Variants in ZC3HAV1 observed in about 807,000 individuals in gnomAD.
The protein encoded by ZC3HAV1 is zinc finger CCCH-type containing, antiviral 1.
A neutral mutation model predicts 86.6 loss-of-function variants in ZC3HAV1; 41 were observed. The observed-to-expected ratio is 0.47, with a 90% CI of 0.37 to 0.61. The LOEUF (loss-of-function observed/expected upper bound fraction) is 0.61. Ranked by LOEUF, ZC3HAV1 falls within the 20% of genes least tolerant of loss-of-function variation. The pLI is 0.00. For missense variants in ZC3HAV1, 964 were observed against 1,141.1 expected, an observed-to-expected ratio of 0.84 and a Z score of 2.24; for synonymous variants, 421 against 432.1, an observed-to-expected ratio of 0.97 and a Z score of 0.32.
chr7:139,067,982 A>G (rs1324067657), intron 7 of ZC3HAV1, among the ~76,000 whole-genome samples: 1 of 148,714 alleles, frequency 6.7e-6, no homozygotes, highest in Non-Finnish European at 1.5e-5. Context: ...CTTTGATAAG[A>G]ATGCTACTTT....
intron 8 of ZC3HAV1, among the ~76,000 whole-genome samples, chr7:139,063,027 CAAAAAAAAAA>C (rs58859916): frequency 2.9e-5 from 2 of 68,084 alleles, no homozygotes; most frequent in African/African-American, 5.4e-5. Context: ...GACTCTGTCT[CAAAAAAAAAA>C]AAAAAAAAAA....
chr7:139,084,090 T>C, intron 2 of ZC3HAV1, 58 bp from the exon 3 acceptor site: 5 of 1,585,714 alleles, frequency 3.2e-6, no homozygotes, highest in Non-Finnish European at 4.3e-6. Flanking sequence ...TTGCCAAACA[T>C]TCATTAAGGC....
intron 1 of ZC3HAV1, among the ~76,000 whole-genome samples, chr7:139,101,470 T>A (rs1242716800): frequency 8.9e-6 from 1 of 112,962 alleles, no homozygotes; most frequent in African/African-American, 3.5e-5. Flanking sequence ...GTCTGGGATG[T>A]GAGGAGCGCC....
intron 10 of ZC3HAV1, among the ~76,000 whole-genome samples, chr7:139,054,944 T>G (rs972243293): frequency 6.6e-6 from 1 of 152,128 alleles, no homozygotes; most frequent in Non-Finnish European, 1.5e-5. Context: ...CATGCCGCCA[T>G]GCCCGGCTAA....
chr7:139,080,149 A>C lies in ZC3HAV1; in HGVS notation c.792T>G (p.Ala264=). 1 of 1,614,232 alleles carries C rather than the reference A, an allele frequency of 6.2e-7. No individual in the cohort carries two copies. The highest frequency in any genetic ancestry group is 8.5e-7 in the Non-Finnish European group (1 of 1,180,046). The change falls in exon 4 of 13, where the codon GCT becomes GCG. Residue 264 remains alanine (A), a synonymous_variant. Transcript: ENST00000242351. ...FQGSQEFLAS[A]SASAERSCTP... is the part of the protein sequence containing the mutation. Reference sequence around the variant, plus strand: ...TGCAGGACCTCTCAGCAGACGCTGAAGCAGACGCAAGAAATTCTTGGCTGC... The same window carrying C: ...TGCAGGACCTCTCAGCAGACGCTGACGCAGACGCAAGAAATTCTTGGCTGC...
intron 2 of ZC3HAV1, among the ~76,000 whole-genome samples, chr7:139,088,402 G>C (rs1399328221): frequency 6.6e-6 from 1 of 152,192 alleles, no homozygotes; most frequent in African/African-American, 2.4e-5. Flanking sequence ...CAATGTGATT[G>C]AGCAGATGTG....
intron 2 of ZC3HAV1, among the ~76,000 whole-genome samples, chr7:139,085,770 T>C (rs1817255538): frequency 6.6e-6 from 1 of 152,102 alleles, no homozygotes; most frequent in African/African-American, 2.4e-5. Flanking sequence ...CCCAGCACTT[T>C]GGGAGGCTGA....
intron 6 of ZC3HAV1, among the ~76,000 whole-genome samples, chr7:139,074,941 C>A (rs544298776): frequency 2.0e-5 from 3 of 152,204 alleles, no homozygotes; most frequent in African/African-American, 7.2e-5. Flanking sequence ...AGTCCTCTGA[C>A]CAAAAAGTTT....
intron 1 of ZC3HAV1, among the ~76,000 whole-genome samples, chr7:139,097,626 G>A (rs937059566): frequency 8.6e-5 from 13 of 150,576 alleles, no homozygotes; most frequent in Non-Finnish European, 1.9e-4. Context: ...AGTAGAGACG[G>A]GGTTTCACCG....
chr7:139,088,052 A>C, intron 2 of ZC3HAV1, among the ~76,000 whole-genome samples: 1 of 150,382 alleles, frequency 6.6e-6, no homozygotes. Context: ...AAAAAAAAAA[A>C]AAAGAAAAAA....
At position 139,079,521 on chromosome 7, in the gene ZC3HAV1, C is replaced by T. The variant is rs568024631; in HGVS notation, c.1420G>A (p.Ala474Thr). 5 of 1,614,164 alleles carry T rather than the reference C, an allele frequency of 3.1e-6. No homozygotes were observed. In the South Asian group the frequency reaches 5.5e-5, roughly 18 times the overall value. Residue 474 changes from alanine (A) to threonine (T), a missense_variant, in exon 4 of 13, where the codon GCC (alanine) becomes ACC (threonine). Transcript: ENST00000242351. ...DAGPASRDVQ[A>T]TGRIADDADP... ...GCATCATCTGCGATTCTGCCAGTGG[C>T]CTGGACATCTCGGGAAGCAGGTCCA...
intron 1 of ZC3HAV1, among the ~76,000 whole-genome samples, chr7:139,095,428 C>T (rs764834259): frequency 2.0e-5 from 3 of 151,906 alleles, no homozygotes; most frequent in Non-Finnish European, 4.4e-5. Context: ...AGGGTGGAGC[C>T]GAAAAAAATG....
intron 6 of ZC3HAV1, 60 bp downstream of exon 6, chr7:139,076,226 C>T: frequency 1.9e-6 from 3 of 1,611,164 alleles, no homozygotes; most frequent in Non-Finnish European, 2.5e-6. Context: ...GAGCCTAGCA[C>T]TAATGCTTCC....
Position 139,083,852 on chromosome 7 carries a change from G to C in ZC3HAV1, c.625C>G (p.Pro209Ala). The change falls in exon 3 of 13, where the codon CCC (proline) becomes GCC (alanine). Residue 209 changes from proline to alanine, a missense_variant. Coordinates refer to ENST00000242351, the MANE Select transcript of ZC3HAV1 (RefSeq NM_020119.4). ...TCCTGGATGTTCTGGACCACGTCGG[G>C]GTTCAGCCCGTGCTCCCTCATGATG... Reference protein sequence around the residue: ...LAIMREHGLNPDVVQNIQDIC... With the variant: ...LAIMREHGLNADVVQNIQDIC... 6.2e-7 allele frequency: 1 copy of C among 1,614,152 alleles called. No individual in the cohort carries two copies. The highest frequency in any genetic ancestry group is 8.5e-7 in the Non-Finnish European group (1 of 1,180,028).
Position 139,055,365 on chromosome 7 carries a change from T to C in ZC3HAV1, c.2097-70A>G, listed in dbSNP as rs528478132. 567 of 1,369,286 alleles carry C rather than the reference T, an allele frequency of 4.1e-4. 1 individual carries two copies. Among genetic ancestry groups the C allele is most frequent in the Middle Eastern group, 1.8e-4 (1 of 5,474 alleles). The allele number at this position is 1,369,286 out of a possible 1,614,324, so 84.8% of individuals were successfully genotyped here. A position where few individuals can be genotyped will look rare whatever the true frequency, so the allele number is the denominator to read the frequency against. On this transcript the variant is annotated intron_variant, in intron 9 of 12. Transcript: ENST00000242351. ...GCCCAAGTGATGTTTTCTCTTAACT[T>C]CCAGCCACTAGGCCAAGGATGCCTA... is the stretch of plus-strand genomic sequence containing the variant.
chr7:139,067,567 G>T (rs1408830830), intron 7 of ZC3HAV1, among the ~76,000 whole-genome samples: 4 of 152,176 alleles, frequency 2.6e-5, no homozygotes, highest in African/African-American at 7.2e-5. Flanking sequence ...GGATAGGGCA[G>T]GTTGGGAGGG....
At chr7:139,055,338 A>C (rs767175921) in intron 9 of ZC3HAV1, 43 bp from the exon 10 acceptor site, 1 of 1,550,488 alleles carries the variant, frequency 6.4e-7, no homozygotes, top group African/African-American at 1.4e-5. Context: ...TCTGCTCCAC[A>C]GGCCCAAGTG....
At chr7:139,075,550 A>G (rs1223491113) in intron 6 of ZC3HAV1, among the ~76,000 whole-genome samples, 4 of 152,082 alleles carry the variant, frequency 2.6e-5, no homozygotes. Flanking sequence ...CTCTCACATC[A>G]GCCTCCCGAG....
rs951188760 is a variant in ZC3HAV1, at chr7:139,058,445, C to G, written c.2096+2591G>C. Among the ~76,000 whole-genome samples the G allele has an allele frequency of 1.7e-4, 25 of 145,432 alleles. No individual in the cohort carries two copies. In the East Asian group the frequency reaches 4.9e-3, roughly 28 times the overall value. On this transcript the variant is annotated intron_variant, in intron 9 of 12. Transcript: ENST00000242351. Reference sequence around the variant, plus strand: ...CCCCAGCAACCTAACCCCCAACCCCCCCCCCCCCCACAAAAAAACACCAAA... The same window carrying G: ...CCCCAGCAACCTAACCCCCAACCCCGCCCCCCCCCACAAAAAAACACCAAA...
Sources: allele counts gnomAD v4.1 joint callset (sites outside exome capture counted in the v4.1 genomes callset), GRCh38; gene constraint gnomAD v4.1.1; transcripts MANE v1.5; gene names NCBI Gene and HGNC (gene_info 2026-07-23, HGNC 2026-07-21).